CDH18: variants seen among roughly 807,000 people sequenced by gnomAD.
CDH18 encodes the protein cadherin-18.
A neutral mutation model predicts 67.9 loss-of-function variants in CDH18; 31 were observed. The ratio of observed to expected loss-of-function variants is 0.46; its 90% confidence interval spans 0.34 to 0.62. The LOEUF (loss-of-function observed/expected upper bound fraction) is 0.62, where lower values mean the gene tolerates loss of function less well. Among genes scored for constraint, CDH18 ranks in the 20% least tolerant of loss-of-function variants. The pLI is 0.01. For synonymous variants in CDH18, 362 were observed against 347.2 expected, an observed-to-expected ratio of 1.04 and a Z score of -0.48; for missense variants, 890 against 975.5, an observed-to-expected ratio of 0.91 and a Z score of 1.17.
At chr5:19,998,780 A>G (rs1736216444) in intron 2 of CDH18, among the ~76,000 whole-genome samples, 1 of 152,164 alleles carries the variant, frequency 6.6e-6, no homozygotes, top group South Asian at 2.1e-4. Flanking sequence ...GAAATAGAGG[A>G]GGCTGCCAAG....
In CDH18 at chr5:19,895,318, G is replaced by A. The variant is rs1451336191; in HGVS notation, c.-256-56076C>T. Among the ~76,000 whole-genome samples, 22 of 152,294 alleles carry A rather than the reference G, an allele frequency of 1.4e-4. No individual in the cohort carries two copies. The East Asian group carries it at 3.9e-3, about 27-fold the overall frequency. On this transcript the variant is annotated intron_variant, in intron 2 of 12. Transcript: ENST00000382275. ...GGAAGTATAAGAAGAAGCCACAAAT[G>A]CTGAGCTTGATCTTGTTTAAGGTCA...
intron 5 of CDH18, among the ~76,000 whole-genome samples, chr5:19,665,226 G>GATTTATTA (rs1398163166): frequency 6.6e-6 from 1 of 151,890 alleles, no homozygotes; most frequent in East Asian, 1.9e-4. Flanking sequence ...CTAAATGAAA[G>GATTTATTA]ATTTATTAGA....
intron 1 of CDH18, among the ~76,000 whole-genome samples, chr5:20,299,952 C>T (rs1747835624): frequency 6.6e-6 from 1 of 151,404 alleles, no homozygotes; most frequent in Non-Finnish European, 1.5e-5. Flanking sequence ...ATGTGTTGTT[C>T]TATAAATAGG....
intron 2 of CDH18, among the ~76,000 whole-genome samples, chr5:20,165,789 A>T (rs1164057167): frequency 6.6e-6 from 1 of 152,198 alleles, no homozygotes; most frequent in Non-Finnish European, 1.5e-5. Context: ...ATGTAATCAC[A>T]TGATAACACA....
In CDH18 at chr5:20,301,775, G is replaced by T. The variant is rs1305571428; in HGVS notation, c.-579-46270C>A. Among the ~76,000 whole-genome samples the T allele has an allele frequency of 2.1e-4, 26 of 123,058 alleles. No individual in the cohort carries two copies. The East Asian group carries it at 6.2e-3, about 29-fold the overall frequency. The allele number at this position is 123,058 out of a possible 152,430, so 80.7% of individuals were successfully genotyped here. A position where few individuals can be genotyped will look rare whatever the true frequency, so the allele number is the denominator to read the frequency against. On this transcript the variant is annotated intron_variant, in intron 1 of 14. Coordinates refer to the CDH18 transcript ENST00000507958. ...CCCTCCACACCAGAAAAGGTAGTTT[G>T]CTCTTTCTTTTTTCTTTTTTTTTTT...
At chr5:20,006,389 A>G (rs1166905729) in intron 2 of CDH18, among the ~76,000 whole-genome samples, 1 of 152,026 alleles carries the variant, frequency 6.6e-6, no homozygotes, top group Non-Finnish European at 1.5e-5. Context: ...AATTTAAAAT[A>G]GGAATTACTT....
chr5:20,169,092 GAAT>G (rs1315799961), intron 2 of CDH18, among the ~76,000 whole-genome samples: 3 of 152,084 alleles, frequency 2.0e-5, no homozygotes, highest in African/African-American at 7.2e-5. Context: ...TGACTGTAGT[GAAT>G]AATAACTTAA....
intron 1 of CDH18, among the ~76,000 whole-genome samples, chr5:20,483,523 A>G (rs544394169): frequency 6.6e-6 from 1 of 152,142 alleles, no homozygotes; most frequent in South Asian, 2.1e-4. Flanking sequence ...AAATTATACT[A>G]TAAAGTTATA....
chr5:20,282,192 G>A (rs1746332763), intron 1 of CDH18, among the ~76,000 whole-genome samples: 1 of 152,014 alleles, frequency 6.6e-6, no homozygotes, highest in South Asian at 2.1e-4. Context: ...TTTCCTAATT[G>A]AATACCCTTT....
intron 9 of CDH18, 93 bp from the exon 10 acceptor site, chr5:19,520,871 G>A: frequency 7.4e-7 from 1 of 1,342,918 alleles, no homozygotes; most frequent in Non-Finnish European, 1.0e-6. Flanking sequence ...GCTTGTCACT[G>A]GTTCCATATG....
chr5:19,655,028 CA>C (rs754143569), intron 5 of CDH18, among the ~76,000 whole-genome samples: 1 of 152,076 alleles, frequency 6.6e-6, no homozygotes, highest in Non-Finnish European at 1.5e-5. Flanking sequence ...GTGGCAGGCC[CA>C]AAAGCAACAT....
chr5:20,304,078 C>G lies in CDH18; in HGVS notation c.-579-48573G>C, dbSNP rs1580708294. The G allele has an allele frequency of 4.3e-6, 7 of 1,610,140 alleles. No homozygotes were observed. In the East Asian group the frequency reaches 1.6e-4, roughly 36 times the overall value. ...CCTTTTTCTCCAGTAAAATTTTGTG[C>G]AACTCGTCTGCATCCTCGCTGGTGT... On this transcript the variant is annotated intron_variant, in intron 1 of 14. Transcript: ENST00000507958.
chr5:20,521,493 T>C (rs1038530948), intron 1 of CDH18, among the ~76,000 whole-genome samples: 3 of 152,126 alleles, frequency 2.0e-5, no homozygotes, highest in East Asian at 1.9e-4. Context: ...GGAGTTATTT[T>C]GATAAAGTGG....
chr5:20,028,682 T>TA (rs1739126924), intron 2 of CDH18, among the ~76,000 whole-genome samples: 1 of 152,092 alleles, frequency 6.6e-6, no homozygotes, highest in South Asian at 2.1e-4. Flanking sequence ...AAGCAGCAAA[T>TA]ACAGCGTGGA....
At chr5:19,553,021 A>G (rs1377719378) in intron 8 of CDH18, among the ~76,000 whole-genome samples, 1 of 152,216 alleles carries the variant, frequency 6.6e-6, no homozygotes, top group African/African-American at 2.4e-5. Context: ...TTAGTACTTC[A>G]GGGACCAAAA....
Position 20,351,183 on chromosome 5 carries a change from TGTGTGTGTGC to T in CDH18, c.-579-95688_-579-95679del, listed in dbSNP as rs1192215264. Among the ~76,000 whole-genome samples, 25 of 143,902 alleles carry T rather than the reference TGTGTGTGTGC, an allele frequency of 1.7e-4. No homozygotes were observed. The South Asian group carries it at 5.0e-3, about 29-fold the overall frequency. The allele number at this position is 143,902 out of a possible 152,430, so 94.4% of individuals were successfully genotyped here. ...ATTTGTGTGTGTGTGTGTGTGTGTGTGTGTGTGTGCGTGTGTGTTATTGCTTATTTTGTCT... is the reference window on the plus strand; with the variant it reads ...ATTTGTGTGTGTGTGTGTGTGTGTGTGTGTGTGTTATTGCTTATTTTGTCT... On this transcript the variant is annotated intron_variant, in intron 1 of 14. Transcript: ENST00000507958.
At chr5:20,295,008 T>C (rs569546375) in intron 1 of CDH18, among the ~76,000 whole-genome samples, 48 of 152,260 alleles carry the variant, frequency 3.2e-4, no homozygotes, top group African/African-American at 1.1e-3. Flanking sequence ...TTTTACTTAA[T>C]AAAAAATTAA....
At chr5:19,596,929 C>T (rs2972819) in intron 6 of CDH18, among the ~76,000 whole-genome samples, 126,559 of 152,184 alleles carry the variant, frequency 0.83, 52,817 homozygotes, top group East Asian at 1. Flanking sequence ...CCACATTTTA[C>T]CCATGCATCC....
At chr5:19,625,030 G>A (rs887098163) in intron 5 of CDH18, among the ~76,000 whole-genome samples, 4 of 150,424 alleles carry the variant, frequency 2.7e-5, no homozygotes, top group Non-Finnish European at 4.4e-5. Flanking sequence ...TTCTAGGAAG[G>A]GCAGATTAGT....
Sources: gnomAD v4.1 joint callset for allele counts (sites outside exome capture counted in the v4.1 genomes callset) on GRCh38, gnomAD v4.1.1 for gene constraint, MANE v1.5 for transcripts, NCBI Gene and HGNC (gene_info 2026-07-23, HGNC 2026-07-21) for gene names.